The following ZFYVE28 variants were observed in gnomAD, a reference collection of about 807,000 sequenced individuals.
ZFYVE28 encodes lateral signaling target protein 2 homolog.
In ZFYVE28, 40 loss-of-function variants were observed where a neutral mutation model predicts 82.1. That is an observed-to-expected ratio of 0.49 (90% CI 0.38 to 0.63). The LOEUF (loss-of-function observed/expected upper bound fraction) is 0.63, where lower values mean the gene tolerates loss of function less well. ZFYVE28 is among the 30% of genes least tolerant of loss of function. ZFYVE28 has a pLI of 0.00. For synonymous variants in ZFYVE28, 612 were observed against 546.1 expected (o/e 1.12, Z -1.68); for missense variants, 1,321 against 1,242.1 (o/e 1.06, Z -0.96).
At chr4:2,285,955 T>TG (rs1244362216) in intron 8 of ZFYVE28, 9 of 152,366 alleles carry the variant, frequency 5.9e-5, no homozygotes, top group African/African-American at 2.2e-4. Context: ...CACCCTCCAA[T>TG]GTCCATATTC....
chr4:2,304,209 CA>C, intron 8 of ZFYVE28, 79 bp downstream of exon 8: 1 of 1,483,152 alleles, frequency 6.7e-7, no homozygotes, highest in South Asian at 1.4e-5. Flanking sequence ...AGAAACACTG[CA>C]ATGCTTGGAG....
chr4:2,374,184 C>T (rs1225458409), intron 1 of ZFYVE28, among the ~76,000 whole-genome samples: 1 of 152,220 alleles, frequency 6.6e-6, no homozygotes, highest in East Asian at 1.9e-4. Flanking sequence ...AGAAAAAGCT[C>T]AGGGGCAGCC....
intron 8 of ZFYVE28, among the ~76,000 whole-genome samples, chr4:2,284,175 C>T (rs958458379): frequency 3.9e-5 from 6 of 152,188 alleles, no homozygotes; most frequent in Non-Finnish European, 7.3e-5. Flanking sequence ...ACCGGATTCA[C>T]GTGTGTACGC....
At chr4:2,364,903 C>G in intron 1 of ZFYVE28, 1 of 985,530 alleles carries the variant, frequency 1.0e-6, no homozygotes, top group Non-Finnish European at 1.2e-6. Flanking sequence ...AGAGGCGGCG[C>G]GGAGGGACAG....
chr4:2,378,464 T>A (rs1017574655), intron 1 of ZFYVE28, among the ~76,000 whole-genome samples: 1 of 152,372 alleles, frequency 6.6e-6, no homozygotes, highest in African/African-American at 2.4e-5. Context: ...TCAGAACTCA[T>A]GTCTTTCTTC....
At chr4:2,406,838 A>T (rs1731975695) in intron 1 of ZFYVE28, among the ~76,000 whole-genome samples, 1 of 151,874 alleles carries the variant, frequency 6.6e-6, no homozygotes, top group African/African-American at 2.4e-5. Flanking sequence ...TCCTGCTTTG[A>T]TTGGATTATT....
rs999437459 is a variant in ZFYVE28 at position 2,335,617 on chromosome 4, T to G, written c.701+88A>C. 4 of 1,300,880 alleles carry G rather than the reference T, an allele frequency of 3.1e-6. No homozygotes were observed. The highest frequency in any genetic ancestry group is 1.5e-5 in the African/African-American group (1 of 68,324). The allele number at this position is 1,300,880 out of a possible 1,614,324, so 80.6% of individuals were successfully genotyped here. ...CGGCCACCGTGAGGTGGAGACGCCA[T>G]GGACCGGCACCCGCACGGGACCTGG... On this transcript the variant is annotated intron_variant, in intron 6 of 12. Transcript: ENST00000290974. The surrounding 1 kb of genome is among the most constrained non-coding windows in gnomAD (Gnocchi z 5.8).
In ZFYVE28 at chr4:2,270,642, C is replaced by T. The variant is rs921144366; in HGVS notation, c.*83G>A. 35 of 1,580,144 alleles carry T rather than the reference C, an allele frequency of 2.2e-5. No individual in the cohort carries two copies. In the East Asian group the frequency reaches 3.4e-4, roughly 15 times the overall value. The stretch of plus-strand genomic sequence containing the variant: ...CAGCAGCGGCAGCGGCCTCATGAGA[C>T]GCAGTGAGACCTGCCTGCAGCGTGG... On this transcript the variant is annotated 3_prime_UTR_variant, in exon 13 of 13. Coordinates refer to ENST00000290974, the MANE Select transcript of ZFYVE28 (RefSeq NM_020972.3).
chr4:2,347,358 G>A (rs1723749536), intron 2 of ZFYVE28, among the ~76,000 whole-genome samples: 1 of 152,160 alleles, frequency 6.6e-6, no homozygotes, highest in African/African-American at 2.4e-5. Flanking sequence ...GACATAGAAA[G>A]TAAACAGAAA....
intron 1 of ZFYVE28, among the ~76,000 whole-genome samples, chr4:2,399,922 C>G (rs185168399): frequency 6.6e-6 from 1 of 152,252 alleles, no homozygotes; most frequent in East Asian, 1.9e-4. Context: ...GGGCAGGGCG[C>G]CCACCGTGGC....
Position 2,399,083 on chromosome 4 carries a change from A to AGATCCAGGGCACAAGCGTGG in ZFYVE28, c.39+19201_39+19202insCCACGCTTGTGCCCTGGATC, listed in dbSNP as rs1297197658. On this transcript the variant is annotated intron_variant, in intron 1 of 12. Transcript: ENST00000290974. ...AGGTGAGATCCAGGGCACAAGCGTGAAGGTGAGATCCAGGGCACAAGCTGG... is the reference window on the plus strand; with the variant it reads ...AGGTGAGATCCAGGGCACAAGCGTGAGATCCAGGGCACAAGCGTGGAGGTGAGATCCAGGGCACAAGCTGG... Among the ~76,000 whole-genome samples the AGATCCAGGGCACAAGCGTGG allele has an allele frequency of 3.6e-4, 42 of 117,586 alleles. 1 individual carries two copies. The highest frequency in any genetic ancestry group is 6.4e-4 in the Admixed American group (7 of 10,912). 77.1% of individuals were successfully genotyped at this position (117,586 alleles called of 152,430 possible).
intron 1 of ZFYVE28, among the ~76,000 whole-genome samples, chr4:2,361,208 A>C (rs1361512201): frequency 2.0e-5 from 3 of 152,238 alleles, no homozygotes; most frequent in Non-Finnish European, 4.4e-5. Flanking sequence ...TCACGGGGTC[A>C]GATGACTACT....
chr4:2,283,820 G>A (rs188903549), intron 8 of ZFYVE28, among the ~76,000 whole-genome samples: 1 of 152,200 alleles, frequency 6.6e-6, no homozygotes, highest in African/African-American at 2.4e-5. Flanking sequence ...GGAGTGCCAG[G>A]GAGGGTTCCT....
intron 6 of ZFYVE28, among the ~76,000 whole-genome samples, chr4:2,331,433 G>C (rs1486815039): frequency 4.6e-5 from 7 of 151,796 alleles, no homozygotes; most frequent in Non-Finnish European, 1.0e-4. Flanking sequence ...CTAGAGCCCG[G>C]GAACTCGAGA....
rs147205815 is a variant in ZFYVE28 at position 2,408,390 on chromosome 4, G to A, written c.39+9895C>T. 7.3e-4 allele frequency among the ~76,000 whole-genome samples: 111 copies of A among 152,026 alleles called. No homozygotes were observed. The highest frequency in any genetic ancestry group is 2.6e-3 in the African/African-American group (109 of 41,464). ...TGGGGGCTGGCCCTATGGACACTGT[G>A]GAGGTGATGCCATGTGACTTCCAGG... is the stretch of plus-strand genomic sequence containing the variant. On this transcript the variant is annotated intron_variant, in intron 1 of 12. Transcript: ENST00000290974. This position sits in a 1 kb window ranked among gnomAD's most constrained non-coding sequence, Gnocchi z 4.3.
intron 1 of ZFYVE28, among the ~76,000 whole-genome samples, chr4:2,375,493 C>T (rs1050787908): frequency 3.3e-5 from 5 of 152,248 alleles, no homozygotes; most frequent in Admixed American, 2.6e-4. Flanking sequence ...TGAATCCACA[C>T]CCAGCCAGGT....
intron 1 of ZFYVE28, among the ~76,000 whole-genome samples, chr4:2,400,722 G>T (rs1578392699): frequency 6.6e-6 from 1 of 152,148 alleles, no homozygotes; most frequent in African/African-American, 2.4e-5. Flanking sequence ...AAAGCTGTAG[G>T]CTGGGAGGCT....
chr4:2,351,367 T>C (rs1188524953), intron 2 of ZFYVE28, among the ~76,000 whole-genome samples: 1 of 152,094 alleles, frequency 6.6e-6, no homozygotes, highest in African/African-American at 2.4e-5. Flanking sequence ...GGATACAAGA[T>C]CTATATACAA....
chr4:2,308,683 G>GAGAAAGAAAGAAAAGAAAAGAAAAGA (rs1553830774), intron 7 of ZFYVE28, among the ~76,000 whole-genome samples: 2 of 81,442 alleles, frequency 2.5e-5, no homozygotes, highest in African/African-American at 1.0e-4. Context: ...GAAAGAGAAA[G>GAGAAAGAAAGAAAAGAAAAGAAAAGA]AAAGAAAAGA....
Sources: allele counts gnomAD v4.1 joint callset (sites outside exome capture counted in the v4.1 genomes callset), GRCh38; gene constraint gnomAD v4.1.1; non-coding constraint Gnocchi (gnomAD v3.1); transcripts MANE v1.5; gene names NCBI Gene and HGNC (gene_info 2026-07-23, HGNC 2026-07-21).